Variants in GABRB3 observed in about 807,000 individuals in gnomAD.
GABRB3 encodes gamma-aminobutyric acid type A receptor subunit beta3.
Under a neutral mutation model 52.1 loss-of-function variants are expected in GABRB3, and 14 were observed. The observed-to-expected ratio is 0.27, with a 90% confidence interval of 0.18 to 0.42. GABRB3 has a LOEUF of 0.42. GABRB3 is among the 10% of genes least tolerant of loss of function. GABRB3 has a pLI of 1.00. For synonymous variants in GABRB3, 260 were observed against 232.3 expected (o/e 1.12, Z -1.08); for missense variants, 307 against 609.1 (o/e 0.50, Z 5.22).
At chr15:26,576,179 G>A (rs1039118644) in intron 6 of GABRB3, among the ~76,000 whole-genome samples, 2 of 152,180 alleles carry the variant, frequency 1.3e-5, no homozygotes, top group African/African-American at 4.8e-5. Context: ...CTTTTAACCT[G>A]ATCCCGTAAT....
At position 26,554,176 on chromosome 15, in the gene GABRB3, G is replaced by GTATATATATA. The variant is rs71130258; in HGVS notation, c.1081-6052_1081-6043dup. The stretch of plus-strand genomic sequence containing the variant: ...TATATATAAAGTATATATATATAAA[G>GTATATATATA]TATATATATATATACTATATATATA... On this transcript the variant is annotated intron_variant, in intron 8 of 8. Transcript: ENST00000311550. Among the ~76,000 whole-genome samples the GTATATATATA allele has an allele frequency of 2.9e-4, 8 of 27,344 alleles. No homozygotes were observed. The East Asian group carries it at 3.6e-3, about 12-fold the overall frequency. The allele number at this position is 27,344 out of a possible 152,430, so 17.9% of individuals were successfully genotyped here. A position where few individuals can be genotyped will look rare whatever the true frequency, so the allele number is the denominator to read the frequency against.
At chr15:26,662,252 T>A (rs895291705) in intron 3 of GABRB3, among the ~76,000 whole-genome samples, 3 of 152,198 alleles carry the variant, frequency 2.0e-5, no homozygotes, top group African/African-American at 7.2e-5. Context: ...AAAGCATGAA[T>A]GCTACAATTC....
intron 6 of GABRB3, among the ~76,000 whole-genome samples, chr15:26,570,939 C>T (rs148628240): frequency 5.9e-5 from 9 of 152,128 alleles, no homozygotes; most frequent in African/African-American, 2.2e-4. Flanking sequence ...AGGTAAATGT[C>T]AAAACCATCA....
chr15:26,567,876 T>C (rs1662472042), intron 6 of GABRB3, 143 bp from the exon 7 acceptor site: 3 of 758,992 alleles, frequency 4.0e-6, no homozygotes, highest in African/African-American at 1.7e-5. Flanking sequence ...TTTGCTTCTG[T>C]CTGCTAGCGG....
At chr15:26,727,007 A>C (rs1889791137) in intron 3 of GABRB3, among the ~76,000 whole-genome samples, 1 of 152,098 alleles carries the variant, frequency 6.6e-6, no homozygotes, top group Non-Finnish European at 1.5e-5. Flanking sequence ...AAAAATACAA[A>C]TATTAGCTGG....
At chr15:26,577,342 G>A (rs144836453) in intron 6 of GABRB3, among the ~76,000 whole-genome samples, 3,085 of 152,024 alleles carry the variant, frequency 0.02, 112 homozygotes, top group African/African-American at 0.068. Context: ...GCGAAACCCC[G>A]TCTCTACTAA....
Position 26,548,051 on chromosome 15 carries a change from G to A in GABRB3, c.1164C>T (p.Thr388=), listed in dbSNP as rs892123183. ...TGTCAAAGGATATTGCTGAATTCCT[G>A]GTATCGCCAATGCCGCCTGAGACCT... The part of the protein sequence containing the change: ...MNEVSGGIGD[T]RNSAISFDNS... Residue 388 remains threonine, a synonymous_variant, in exon 9 of 9, where the codon ACC becomes ACT. Coordinates refer to ENST00000311550, the MANE Select transcript of GABRB3 (RefSeq NM_000814.6). 2 of 1,614,086 alleles carry A rather than the reference G, an allele frequency of 1.2e-6. No individual in the cohort carries two copies. Among genetic ancestry groups the A allele is most frequent in the Non-Finnish European group, 1.7e-6 (2 of 1,179,980 alleles).
intron 4 of GABRB3, chr15:26,614,753 T>A (rs1892195433): frequency 6.6e-6 from 1 of 152,208 alleles, no homozygotes; most frequent in Non-Finnish European, 1.5e-5. Flanking sequence ...TTAATTTGAA[T>A]CTTCTGATAT....
In GABRB3 at chr15:26,621,174, T is replaced by C. The variant is rs1288158050; in HGVS notation, c.461+140A>G. The C allele has an allele frequency of 3.9e-6, 3 of 765,854 alleles. No homozygotes were observed. The highest frequency in any genetic ancestry group is 6.8e-6 in the Non-Finnish European group (3 of 444,234). 47.4% of individuals were successfully genotyped at this position (765,854 alleles called of 1,614,324 possible). On this transcript the variant is annotated intron_variant, in intron 4 of 8. Transcript: ENST00000311550. This position sits in a 1 kb window ranked among gnomAD's most constrained non-coding sequence, Gnocchi z 4.1. ...ATTTTATGGTTATGAGATTTTTTTT[T>C]CTGCAAAGCTTTAGTGCTTCATAGA...
intron 3 of GABRB3, among the ~76,000 whole-genome samples, chr15:26,730,488 C>A (rs996614014): frequency 1.3e-5 from 2 of 151,978 alleles, no homozygotes; most frequent in African/African-American, 4.8e-5. Flanking sequence ...CACCTCACCA[C>A]CCCCCGTGCG....
chr15:26,769,704 T>C (rs1891094245), intron 3 of GABRB3, among the ~76,000 whole-genome samples: 1 of 152,190 alleles, frequency 6.6e-6, no homozygotes, highest in Non-Finnish European at 1.5e-5. Flanking sequence ...ATATAATTTA[T>C]TTCATGAAAG....
In GABRB3 at chr15:26,677,479, C is replaced by A. The variant is rs191123616; in HGVS notation, c.241-55945G>T. On this transcript the variant is annotated intron_variant, in intron 3 of 8. Coordinates refer to ENST00000311550, the MANE Select transcript of GABRB3 (RefSeq NM_000814.6). ...GCCAAGGGCTCTGGCCTCCTCTTGG[C>A]CATCCTTCTCCACCCGGGAGACACC... 6.8e-4 allele frequency among the ~76,000 whole-genome samples: 103 copies of A among 152,214 alleles called. No individual in the cohort carries two copies. In the Middle Eastern group the frequency reaches 0.01, roughly 15 times the overall value.
chr15:26,683,835 G>C (rs1475125906), intron 3 of GABRB3, among the ~76,000 whole-genome samples: 1 of 152,130 alleles, frequency 6.6e-6, no homozygotes, highest in Non-Finnish European at 1.5e-5. Flanking sequence ...GGAAAGAATG[G>C]CATGAAGAAT....
chr15:26,773,594 G>C, upstream of GABRB3: 4 of 1,464,922 alleles, frequency 2.7e-6, no homozygotes, highest in Non-Finnish European at 2.8e-6. Context: ...CGGACTGCGG[G>C]CCGCCGCCTC....
intron 3 of GABRB3, among the ~76,000 whole-genome samples, chr15:26,733,942 G>A (rs1889997382): frequency 6.6e-6 from 1 of 151,856 alleles, no homozygotes; most frequent in Non-Finnish European, 1.5e-5. Flanking sequence ...AAGAATGAAG[G>A]TGGACCTTTA....
intron 3 of GABRB3, among the ~76,000 whole-genome samples, chr15:26,726,636 A>G (rs1334398865): frequency 6.6e-6 from 1 of 152,142 alleles, no homozygotes; most frequent in Admixed American, 6.5e-5. Flanking sequence ...CAAGTTACAT[A>G]TTTTTGGCAA....
intron 5 of GABRB3, among the ~76,000 whole-genome samples, chr15:26,581,749 G>T (rs903178844): frequency 1.3e-5 from 2 of 152,184 alleles, no homozygotes; most frequent in African/African-American, 4.8e-5. Context: ...ACCTTTTGCA[G>T]AAGCCTTCCC....
At chr15:26,609,119 C>T (rs1014293490) in intron 4 of GABRB3, among the ~76,000 whole-genome samples, 4 of 64,026 alleles carry the variant, frequency 6.2e-5, no homozygotes, top group Admixed American at 4.6e-4. Context: ...CACACACACA[C>T]ACACACACAC....
chr15:26,634,381 C>CAAGAGT (rs1892987918), intron 3 of GABRB3, among the ~76,000 whole-genome samples: 2 of 152,288 alleles, frequency 1.3e-5, no homozygotes, highest in South Asian at 4.1e-4. Context: ...ATATACCAGC[C>CAAGAGT]TCTTTCATTC....
Sources: gnomAD v4.1 joint callset for allele counts (sites outside exome capture counted in the v4.1 genomes callset) on GRCh38, gnomAD v4.1.1 for gene constraint, Gnocchi (gnomAD v3.1) non-coding constraint, MANE v1.5 for transcripts, NCBI Gene and HGNC (gene_info 2026-07-23, HGNC 2026-07-21) for gene names.